CCSER1: variants seen among roughly 807,000 people sequenced by gnomAD.
CCSER1 encodes coiled-coil serine rich protein 1, also known as serine-rich coiled-coil domain-containing protein 1.
A neutral mutation model predicts 82.0 loss-of-function variants in CCSER1; 41 were observed. The ratio of observed to expected loss-of-function variants is 0.50; its 90% CI spans 0.39 to 0.65. The LOEUF (loss-of-function observed/expected upper bound fraction) is 0.65, where lower values mean the gene tolerates loss of function less well. Ranked by LOEUF, CCSER1 falls within the 30% of genes least tolerant of loss-of-function variation. The pLI, the probability that CCSER1 is intolerant of heterozygous loss-of-function variation, is 0.00. For missense variants in CCSER1, 1,119 were observed against 1,064.2 expected (o/e 1.05, Z -0.72); for synonymous variants, 414 against 383.9 (o/e 1.08, Z -0.92).
chr4:90,964,685 A>T (rs957907788), intron 9 of CCSER1, among the ~76,000 whole-genome samples: 1 of 135,676 alleles, frequency 7.4e-6, no homozygotes, highest in Admixed American at 8.5e-5. Flanking sequence ...AGATTGTGCC[A>T]CTGCATTCCA....
chr4:90,820,334 A>G (rs1289270505), intron 8 of CCSER1, among the ~76,000 whole-genome samples: 3 of 152,194 alleles, frequency 2.0e-5, no homozygotes, highest in Non-Finnish European at 4.4e-5. Context: ...ATTTATGGTA[A>G]TTTATAAAAA....
chr4:91,326,390 C>T (rs1233485448), intron 10 of CCSER1, among the ~76,000 whole-genome samples: 3 of 152,044 alleles, frequency 2.0e-5, no homozygotes, highest in Non-Finnish European at 2.9e-5. Flanking sequence ...GGAAGTGCTA[C>T]ACAACTTTAT....
intron 4 of CCSER1, chr4:90,404,089 G>C (rs1402338337): frequency 1.3e-5 from 2 of 152,248 alleles, no homozygotes; most frequent in African/African-American, 4.8e-5. Context: ...GTCACTGGCT[G>C]CTTGGAAAAT....
In CCSER1 at chr4:90,672,219, G is replaced by A. The variant is rs1301569839; in HGVS notation, c.1932+43987G>A. On this transcript the variant is annotated intron_variant, in intron 6 of 10. Coordinates refer to ENST00000509176, the MANE Select transcript of CCSER1 (RefSeq NM_001145065.2). ...CCTGTCCTTGGAAGCTTTGAAGCCA[G>A]CCCTTGACTTCTCCTCCAGAAAATC... 2.0e-5 allele frequency among the ~76,000 whole-genome samples: 3 copies of A among 151,998 alleles called. No homozygotes were observed. In the East Asian group the frequency reaches 5.8e-4, roughly 29 times the overall value.
chr4:90,446,478 T>C (rs1760671384), intron 4 of CCSER1, among the ~76,000 whole-genome samples: 1 of 152,182 alleles, frequency 6.6e-6, no homozygotes, highest in African/African-American at 2.4e-5. Flanking sequence ...CAACAAAGAT[T>C]AATAATTAAT....
At chr4:90,928,319 C>T (rs1184166033) in intron 9 of CCSER1, among the ~76,000 whole-genome samples, 3 of 152,054 alleles carry the variant, frequency 2.0e-5, no homozygotes, top group Admixed American at 2.0e-4. Context: ...TGCTTATTAA[C>T]ATGTAATGGA....
chr4:90,857,653 C>T (rs1218146082), intron 8 of CCSER1, among the ~76,000 whole-genome samples: 3 of 152,042 alleles, frequency 2.0e-5, no homozygotes, highest in Non-Finnish European at 4.4e-5. Context: ...TTTCTTGCTC[C>T]TTCTCAACCT....
In CCSER1 at chr4:90,924,711, T is replaced by A. The variant is rs1269400429; in HGVS notation, c.2172+1264T>A. On this transcript the variant is annotated intron_variant, in intron 9 of 10. Transcript: ENST00000509176. Reference sequence around the variant, plus strand: ...ATTTTTTTCCTGTCTAAAAACTTGGTTTTTTGTTGTTGTTGTTTGTTTGTT... The same window carrying A: ...ATTTTTTTCCTGTCTAAAAACTTGGATTTTTGTTGTTGTTGTTTGTTTGTT... Among the ~76,000 whole-genome samples the A allele has an allele frequency of 2.6e-5, 4 of 152,056 alleles. No individual in the cohort carries two copies. The East Asian group carries it at 7.7e-4, about 29-fold the overall frequency.
At chr4:90,166,805 T>G (rs976624593) in intron 1 of CCSER1, among the ~76,000 whole-genome samples, 2 of 152,010 alleles carry the variant, frequency 1.3e-5, no homozygotes, top group African/African-American at 4.8e-5. Context: ...GCTCATTGTA[T>G]ACTAATGTGA....
chr4:90,858,671 T>C (rs1764727377), intron 8 of CCSER1, among the ~76,000 whole-genome samples: 1 of 151,946 alleles, frequency 6.6e-6, no homozygotes, highest in Non-Finnish European at 1.5e-5. Flanking sequence ...TCTGCATTTC[T>C]TACCTTTACC....
chr4:91,406,234 A>C (rs1379600746), intron 10 of CCSER1, among the ~76,000 whole-genome samples: 4 of 152,096 alleles, frequency 2.6e-5, no homozygotes, highest in African/African-American at 9.7e-5. Flanking sequence ...TGCATAATAG[A>C]CTTCTAAGCA....
intron 10 of CCSER1, among the ~76,000 whole-genome samples, chr4:91,315,545 G>A (rs188730978): frequency 6.3e-4 from 96 of 152,076 alleles, no homozygotes; most frequent in African/African-American, 2.2e-3. Context: ...CTATAGGCAA[G>A]GCACTGTTCT....
chr4:90,918,638 G>T (rs13131843), intron 8 of CCSER1, among the ~76,000 whole-genome samples: 79,888 of 148,690 alleles, frequency 0.54, 23,109 homozygotes, highest in African/African-American at 0.77. Context: ...ATTCAAGAGA[G>T]ATATATATAT....
chr4:91,180,939 G>C (rs1297727626), intron 10 of CCSER1, among the ~76,000 whole-genome samples: 2 of 136,726 alleles, frequency 1.5e-5, no homozygotes, highest in African/African-American at 5.3e-5. Flanking sequence ...GCAATAGATT[G>C]GGCTAGTTAA....
intron 4 of CCSER1, among the ~76,000 whole-genome samples, chr4:90,462,115 TAAAA>T (rs528633506): frequency 6.8e-6 from 1 of 146,794 alleles, no homozygotes; most frequent in Non-Finnish European, 1.5e-5. Flanking sequence ...GTATAGGCAC[TAAAA>T]AGAAATATTT....
intron 10 of CCSER1, among the ~76,000 whole-genome samples, chr4:91,289,218 C>T (rs530387153): frequency 6.6e-6 from 1 of 152,060 alleles, no homozygotes; most frequent in Admixed American, 6.6e-5. Flanking sequence ...ACACTAAAGG[C>T]TTCATAGAAG....
At chr4:91,376,102 G>C (rs1750390564) in intron 10 of CCSER1, among the ~76,000 whole-genome samples, 4 of 151,992 alleles carry the variant, frequency 2.6e-5, no homozygotes, top group Non-Finnish European at 5.9e-5. Flanking sequence ...CCAAACTTAA[G>C]GGAAGAGAAA....
intron 1 of CCSER1, among the ~76,000 whole-genome samples, chr4:90,257,578 T>C (rs79044138): frequency 0.019 from 2,860 of 151,298 alleles, 44 homozygotes; most frequent in Non-Finnish European, 0.029. Flanking sequence ...GATACATAGA[T>C]ACATAGATAC....
chr4:90,498,985 A>G (rs1185465645), intron 5 of CCSER1, among the ~76,000 whole-genome samples: 3 of 152,158 alleles, frequency 2.0e-5, no homozygotes, highest in Admixed American at 6.6e-5. Flanking sequence ...TCTCTCTGCA[A>G]TTGATGAGTT....
Sources: gnomAD v4.1 joint callset for allele counts (sites outside exome capture counted in the v4.1 genomes callset) on GRCh38, gnomAD v4.1.1 for gene constraint, MANE v1.5 for transcripts, NCBI Gene and HGNC (gene_info 2026-07-23, HGNC 2026-07-21) for gene names.